The following EPYC variants were observed in gnomAD, a reference collection of about 807,000 sequenced individuals.
EPYC encodes epiphycan, also known as dermatan sulfate proteoglycan 3.
Under a neutral mutation model 30.1 loss-of-function variants are expected in EPYC, and 28 were observed. The observed-to-expected ratio is 0.93, with a 90% CI of 0.69 to 1.28. The LOEUF is 1.28. EPYC is among the 50% of genes most tolerant of loss of function. The pLI, the probability that EPYC is intolerant of heterozygous loss-of-function variation, is 0.00. For missense variants in EPYC, 382 were observed against 383.5 expected (o/e 1.00, Z 0.03); for synonymous variants, 144 against 141.4 (o/e 1.02, Z -0.13).
At chr12:90,991,138 G>T (rs940860602) in intron 2 of EPYC, among the ~76,000 whole-genome samples, 3 of 152,098 alleles carry the variant, frequency 2.0e-5, no homozygotes, top group Non-Finnish European at 4.4e-5. Context: ...AAGGAATGGA[G>T]TATATAATAT....
intron 2 of EPYC, among the ~76,000 whole-genome samples, chr12:90,994,789 GT>G (rs1305608243): frequency 6.6e-6 from 1 of 151,940 alleles, no homozygotes; most frequent in Non-Finnish European, 1.5e-5. Context: ...TCCTTGTTTT[GT>G]TTTAAAAATA....
intron 2 of EPYC, among the ~76,000 whole-genome samples, chr12:90,988,871 C>T (rs750108705): frequency 6.6e-6 from 1 of 152,032 alleles, no homozygotes; most frequent in African/African-American, 2.4e-5. Context: ...TCAAGGTCCA[C>T]TGGTATTGTC....
At chr12:90,979,673 G>T (rs1877278431) in intron 2 of EPYC, among the ~76,000 whole-genome samples, 1 of 152,056 alleles carries the variant, frequency 6.6e-6, no homozygotes, top group East Asian at 1.9e-4. Context: ...AGCCTTTTCT[G>T]TGCTGTATTA....
At chr12:90,985,807 G>T (rs1877435414) in intron 2 of EPYC, among the ~76,000 whole-genome samples, 1 of 152,060 alleles carries the variant, frequency 6.6e-6, no homozygotes, top group South Asian at 2.1e-4. Flanking sequence ...GGTGTCTGGG[G>T]CAAGCACCAG....
intron 2 of EPYC, among the ~76,000 whole-genome samples, chr12:90,994,837 T>C (rs1403843579): frequency 6.6e-6 from 1 of 152,170 alleles, no homozygotes; most frequent in Non-Finnish European, 1.5e-5. Flanking sequence ...GGACTTTTAC[T>C]CAAGCACAGA....
intron 2 of EPYC, among the ~76,000 whole-genome samples, chr12:90,990,336 T>C (rs934551549): frequency 5.9e-5 from 9 of 152,066 alleles, no homozygotes; most frequent in Non-Finnish European, 1.2e-4. Flanking sequence ...ATAATGATGA[T>C]GCACATATTA....
chr12:90,975,815 C>G (rs1475085806), intron 3 of EPYC, among the ~76,000 whole-genome samples: 1 of 152,032 alleles, frequency 6.6e-6, no homozygotes. Flanking sequence ...CATTGTGTCT[C>G]TTCCTTTTTC....
At position 90,981,142 on chromosome 12, in the gene EPYC, T is replaced by A. The variant is rs150346915; in HGVS notation, c.166-2880A>T. On this transcript the variant is annotated intron_variant, in intron 2 of 6. Coordinates refer to ENST00000261172, the MANE Select transcript of EPYC (RefSeq NM_004950.5). ...ATTCCAGAGATGACAAATGGATAGC[T>A]CACAGTGGCCTAGGCTGAGTGAGAT... Among the ~76,000 whole-genome samples, 922 of 152,260 alleles carry A rather than the reference T, an allele frequency of 6.1e-3. 42 individuals carry two copies. Among genetic ancestry groups the A allele is most frequent in the Non-Finnish European group, 1.1e-3 (78 of 68,006 alleles).
chr12:90,965,477 A>G (rs1156912831), intron 6 of EPYC, among the ~76,000 whole-genome samples: 1 of 152,110 alleles, frequency 6.6e-6, no homozygotes. Flanking sequence ...TCTACCAACA[A>G]TGTATGAGGG....
At chr12:90,973,756 T>C (rs144701387) in intron 3 of EPYC, among the ~76,000 whole-genome samples, 118 of 152,284 alleles carry the variant, frequency 7.7e-4, no homozygotes, top group Non-Finnish European at 1.4e-3. Context: ...AGCATTGGAA[T>C]GTATGGGACA....
At chr12:90,993,232 C>A (rs1359641358) in intron 2 of EPYC, among the ~76,000 whole-genome samples, 1 of 152,096 alleles carries the variant, frequency 6.6e-6, no homozygotes, top group African/African-American at 2.4e-5. Context: ...TTTGCCCCTG[C>A]ATGAACAAAG....
intron 2 of EPYC, among the ~76,000 whole-genome samples, chr12:91,000,135 G>A (rs1290328359): frequency 6.6e-6 from 1 of 152,020 alleles, no homozygotes; most frequent in Admixed American, 6.6e-5. Flanking sequence ...TGTTAAGTAA[G>A]GGATAACTAA....
At chr12:90,987,027 T>C (rs745452619) in intron 2 of EPYC, among the ~76,000 whole-genome samples, 9 of 152,152 alleles carry the variant, frequency 5.9e-5, no homozygotes, top group South Asian at 2.1e-4. Flanking sequence ...TTTTGATACA[T>C]TAAATGATTG....
Position 90,964,334 on chromosome 12 carries a change from A to T in EPYC, c.799-8T>A. On this transcript the variant is annotated splice_region_variant and splice_polypyrimidine_tract_variant and intron_variant, in intron 6 of 6. Transcript: ENST00000261172. ...TTCCAGAATGTTGTTATTCTAAAAA[A>T]GATGAAAATAAATTATGACAAGATA... 1.2e-5 allele frequency: 19 copies of T among 1,590,480 alleles called. No homozygotes were observed. The highest frequency in any genetic ancestry group is 1.6e-5 in the Non-Finnish European group (19 of 1,160,122).
chr12:90,990,007 A>G (rs1295876845), intron 2 of EPYC, among the ~76,000 whole-genome samples: 1 of 152,072 alleles, frequency 6.6e-6, no homozygotes, highest in Admixed American at 6.6e-5. Flanking sequence ...CCATGTAAGG[A>G]TGCCAGAAAG....
intron 2 of EPYC, among the ~76,000 whole-genome samples, chr12:90,992,544 A>T (rs1030228889): frequency 6.6e-6 from 1 of 152,186 alleles, no homozygotes; most frequent in Non-Finnish European, 1.5e-5. Context: ...TGCAGCATCA[A>T]TTGCCAGAAA....
rs567319341 is a variant in EPYC, at chr12:90,969,984, G to T, written c.798+60C>A. On this transcript the variant is annotated intron_variant, in intron 6 of 6. Coordinates refer to ENST00000261172, the MANE Select transcript of EPYC (RefSeq NM_004950.5). ...TACAGACAAATTCTTGTGTCCTGAT[G>T]TCCTTTTTGGCTTTGCTTTCTCTGA... The T allele has an allele frequency of 7.6e-6, 9 of 1,184,976 alleles. No individual in the cohort carries two copies. The East Asian group carries it at 2.1e-4, about 28-fold the overall frequency. The allele number at this position is 1,184,976 out of a possible 1,614,324, so 73.4% of individuals were successfully genotyped here. A position where few individuals can be genotyped will look rare whatever the true frequency, so the allele number is the denominator to read the frequency against.
At chr12:90,971,710 A>ATAAG (rs1877050220) in intron 5 of EPYC, 90 bp downstream of exon 5, 3 of 463,650 alleles carry the variant, frequency 6.5e-6, no homozygotes, top group Non-Finnish European at 1.0e-5. Context: ...AAATAAATAA[A>ATAAG]TTTATTTTCC....
intron 2 of EPYC, among the ~76,000 whole-genome samples, chr12:91,000,748 C>T (rs1266724330): frequency 6.6e-6 from 1 of 151,714 alleles, no homozygotes; most frequent in Non-Finnish European, 1.5e-5. Flanking sequence ...TAAGTTTGAA[C>T]TAAAATGTTT....
Sources: allele counts gnomAD v4.1 joint callset (sites outside exome capture counted in the v4.1 genomes callset), GRCh38; gene constraint gnomAD v4.1.1; transcripts MANE v1.5; gene names NCBI Gene and HGNC (gene_info 2026-07-23, HGNC 2026-07-21).